The following CAST variants were observed in gnomAD, a reference collection of about 807,000 sequenced individuals.
The protein encoded by CAST is calpastatin, also known as MIR583 host.
A neutral mutation model predicts 119.6 loss-of-function variants in CAST; 76 were observed. That is an observed-to-expected ratio of 0.64 (90% confidence interval 0.53 to 0.77). The LOEUF (loss-of-function observed/expected upper bound fraction) is 0.77, where lower values mean the gene tolerates loss of function less well. Among genes scored for constraint, CAST ranks in the 30% least tolerant of loss-of-function variants. The probability of loss-of-function intolerance (pLI) is 0.00; values close to 1 mark genes in which losing one functional copy is unlikely to be tolerated. For synonymous variants in CAST, 319 were observed against 331.6 expected, an observed-to-expected ratio of 0.96 and a Z score of 0.41; for missense variants, 953 against 946.5, an observed-to-expected ratio of 1.01 and a Z score of -0.09.
the CAST span, chr5:96,398,855 T>A: frequency 6.3e-7 from 1 of 1,590,232 alleles, no homozygotes; most frequent in East Asian, 2.2e-5. Flanking sequence ...AAAATATAAA[T>A]GGCTTAGAAC....
the CAST span, among the ~76,000 whole-genome samples, chr5:96,380,769 T>C: frequency 2.6e-5 from 4 of 152,202 alleles, no homozygotes; most frequent in South Asian, 8.3e-4. Context: ...TTTAAAAAAT[T>C]ATTGTATGAT....
rs779638174 is a variant in CAST, at chr5:96,642,669, G to A, written c.61-32870G>A. Among the ~76,000 whole-genome samples, 65 of 151,774 alleles carry A rather than the reference G, an allele frequency of 4.3e-4. 2 individuals carry two copies. Among genetic ancestry groups the A allele is most frequent in the Non-Finnish European group, 1.5e-5 (1 of 67,966 alleles). On this transcript the variant is annotated intron_variant, in intron 1 of 11. Coordinates refer to the CAST transcript ENST00000505143. ...CAATTCTCGTGCTTCAGCCTCCCAG[G>A]TAGCTAGGATTACAGGCACCCGGCA...
chr5:95,966,822 A>G, the CAST span, among the ~76,000 whole-genome samples: 1,521 of 152,246 alleles, frequency 1.0e-2, 15 homozygotes, highest in Non-Finnish European at 0.016. Context: ...AGTCTCTAGA[A>G]AGTTGTATGT....
chr5:96,675,204 A>T (rs1750559522), intron 1 of CAST, among the ~76,000 whole-genome samples: 1 of 152,224 alleles, frequency 6.6e-6, no homozygotes, highest in South Asian at 2.1e-4. Context: ...CATGGTTCTT[A>T]TCTCATCTCC....
chr5:96,557,782 A>G lies in CAST; in HGVS notation c.60+27902A>G, dbSNP rs944038293. ...GAGACTTTAGCACACCACTGTCAAC[A>G]TTAGACAGATCAACGAGACAGAAAG... On this transcript the variant is annotated intron_variant, in intron 1 of 11. Transcript: ENST00000505143. Among the ~76,000 whole-genome samples the G allele has an allele frequency of 3.3e-5, 5 of 152,220 alleles. No individual in the cohort carries two copies. The South Asian group carries it at 1.0e-3, about 32-fold the overall frequency.
intron 1 of CAST, among the ~76,000 whole-genome samples, chr5:96,562,978 G>T (rs1051400027): frequency 1.5e-5 from 2 of 135,506 alleles, no homozygotes; most frequent in Non-Finnish European, 3.5e-5. Context: ...AACTTAGGAA[G>T]GAGTTTTCTG....
chr5:96,656,429 G>A (rs911973158), intron 1 of CAST, among the ~76,000 whole-genome samples: 1 of 152,174 alleles, frequency 6.6e-6, no homozygotes, highest in African/African-American at 2.4e-5. Flanking sequence ...CTCATTAAGT[G>A]GAAGGTCGTA....
the CAST span, among the ~76,000 whole-genome samples, chr5:96,055,548 C>A: frequency 5.4e-4 from 82 of 152,244 alleles, no homozygotes; most frequent in African/African-American, 1.9e-3. Flanking sequence ...GACAGGTGTG[C>A]ATTTTGTTGC....
chr5:96,497,588 G>C, the CAST span, among the ~76,000 whole-genome samples: 2 of 152,084 alleles, frequency 1.3e-5, no homozygotes, highest in African/African-American at 4.8e-5. Context: ...TTGTGGTTTT[G>C]ATTTGCATTT....
chr5:96,068,385 T>C, the CAST span, among the ~76,000 whole-genome samples: 3 of 152,056 alleles, frequency 2.0e-5, no homozygotes, highest in Non-Finnish European at 4.4e-5. Context: ...TTGAGAATCA[T>C]GCTCCACCCC....
intron 1 of CAST, among the ~76,000 whole-genome samples, chr5:96,642,566 G>A (rs899352179): frequency 4.9e-5 from 7 of 143,152 alleles, no homozygotes; most frequent in Non-Finnish European, 1.1e-4. Flanking sequence ...TTTGAGACAA[G>A]ATTTTGCTCC....
the CAST span, among the ~76,000 whole-genome samples, chr5:96,425,049 AAAGAAAGAAAGAAAGAAAG>A: frequency 6.9e-6 from 1 of 144,032 alleles, no homozygotes; most frequent in Non-Finnish European, 1.5e-5. Context: ...AGAAAGAAAG[AAAGAAAGAAAGAAAGAAAG>A]AAAGAAAACG....
At chr5:96,308,724 G>A in the CAST span, 2 of 152,402 alleles carry the variant, frequency 1.3e-5, no homozygotes. Context: ...TCTGCTGCAG[G>A]TCTGCTGGAG....
At chr5:96,082,552 C>T in the CAST span, among the ~76,000 whole-genome samples, 2 of 152,202 alleles carry the variant, frequency 1.3e-5, no homozygotes, top group South Asian at 4.1e-4. Flanking sequence ...AAGGAAAATT[C>T]ATTTCTACTT....
intron 1 of CAST, among the ~76,000 whole-genome samples, chr5:96,543,096 C>A (rs1171841875): frequency 2.6e-5 from 4 of 152,154 alleles, no homozygotes; most frequent in Admixed American, 2.0e-4. Context: ...ATGTTTATTG[C>A]AGCTCTTTTT....
At position 96,740,047 on chromosome 5, in the gene CAST, A is replaced by T. The variant is rs1762369292; in HGVS notation, c.808A>T (p.Ser270Cys). ...TATGATTTTGTTCCAGGATCCAATG[A>T]GTTCCACCTACATAGAGGAATTGGG... ...YTGPEVSDPM[S>C]STYIEELGKR... The change falls in exon 12 of 32, where the codon AGT becomes TGT. Residue 270 changes from serine to cysteine, a missense_variant. Physicochemically the swap from Ser to Cys is moderately radical, Grantham distance 112. Transcript: ENST00000675179. The T allele has an allele frequency of 6.4e-7, 1 of 1,551,292 alleles. No homozygotes were observed. Among genetic ancestry groups the T allele is most frequent in the Non-Finnish European group, 8.8e-7 (1 of 1,132,058 alleles).
chr5:96,620,137 C>A (rs1747573011), intron 1 of CAST, among the ~76,000 whole-genome samples: 1 of 152,224 alleles, frequency 6.6e-6, no homozygotes, highest in Non-Finnish European at 1.5e-5. Flanking sequence ...GGCAGTTATT[C>A]AGTGCTACTG....
the CAST span, among the ~76,000 whole-genome samples, chr5:96,455,381 T>A: frequency 6.6e-6 from 1 of 152,216 alleles, no homozygotes; most frequent in South Asian, 2.1e-4. Flanking sequence ...GACCAACAGG[T>A]GACTTTTATT....
intron 1 of CAST, among the ~76,000 whole-genome samples, chr5:96,670,920 G>A (rs1477548061): frequency 6.6e-6 from 1 of 152,248 alleles, no homozygotes; most frequent in African/African-American, 2.4e-5. Flanking sequence ...TGCCCTGGCA[G>A]AAGCCCTTAG....
Sources: allele counts gnomAD v4.1 joint callset (sites outside exome capture counted in the v4.1 genomes callset), GRCh38; gene constraint gnomAD v4.1.1; transcripts MANE v1.5; gene names NCBI Gene and HGNC (gene_info 2026-07-23, HGNC 2026-07-21).